Variants in RELN observed in about 807,000 individuals in gnomAD.
RELN encodes the protein reelin.
RELN carries 108 observed loss-of-function variants against 427.6 expected under a neutral mutation model. The observed-to-expected ratio is 0.25, with a 90% confidence interval of 0.22 to 0.30. RELN has a LOEUF of 0.30. RELN is among the 10% of genes least tolerant of loss of function. RELN has a pLI of 1.00. For missense variants in RELN, 3,715 were observed against 4,302.8 expected (o/e 0.86, Z 3.82); for synonymous variants, 1,524 against 1,513.4 (o/e 1.01, Z -0.16).
intron 5 of RELN, among the ~76,000 whole-genome samples, chr7:103,751,939 T>G (rs188511760): frequency 1.3e-5 from 2 of 152,358 alleles, no homozygotes; most frequent in East Asian, 3.9e-4. Context: ...TCTTATTAAA[T>G]ACTATAGTGT....
At chr7:103,902,247 A>G (rs931046393) in intron 2 of RELN, among the ~76,000 whole-genome samples, 32 of 152,066 alleles carry the variant, frequency 2.1e-4, no homozygotes, top group African/African-American at 7.7e-4. Flanking sequence ...TCTTATTAGT[A>G]ACAGATTTCT....
chr7:103,799,155 G>A (rs1226918854), intron 3 of RELN, among the ~76,000 whole-genome samples: 1 of 152,122 alleles, frequency 6.6e-6, no homozygotes, highest in Non-Finnish European at 1.5e-5. Flanking sequence ...TTGAAATGGT[G>A]CCAAAATTAT....
intron 61 of RELN, among the ~76,000 whole-genome samples, chr7:103,485,509 C>CT (rs999410324): frequency 4.6e-5 from 7 of 152,038 alleles, no homozygotes; most frequent in African/African-American, 1.7e-4. Flanking sequence ...ACCTAGCAAC[C>CT]TTTTTTAAGC....
rs1161395056 is a variant in RELN at position 103,989,396 on chromosome 7, C to T, written c.-40G>A. On this transcript the variant is annotated 5_prime_UTR_variant, in exon 1 of 65. Transcript: ENST00000428762. The surrounding 1 kb of genome is among the most constrained non-coding windows in gnomAD (Gnocchi z 4.9). ...CGCCGCCGCCGCGCGCCCTACGCGCCGCTCGCTCATTCAGTTTTGGAGACG... is the reference window on the plus strand; with the variant it reads ...CGCCGCCGCCGCGCGCCCTACGCGCTGCTCGCTCATTCAGTTTTGGAGACG... The T allele has an allele frequency of 1.5e-6, 2 of 1,344,826 alleles. No individual in the cohort carries two copies. The highest frequency in any genetic ancestry group is 1.9e-6 in the Non-Finnish European group (2 of 1,046,734). 83.3% of individuals were successfully genotyped at this position (1,344,826 alleles called of 1,614,324 possible).
intron 10 of RELN, among the ~76,000 whole-genome samples, chr7:103,684,199 A>C (rs910998027): frequency 6.6e-6 from 1 of 152,130 alleles, no homozygotes; most frequent in African/African-American, 2.4e-5. Flanking sequence ...TAGCCAGCGT[A>C]GGGGGCCATA....
At chr7:103,780,379 TTAATC>T (rs1375804029) in intron 3 of RELN, among the ~76,000 whole-genome samples, 1 of 152,256 alleles carries the variant, frequency 6.6e-6, no homozygotes, top group African/African-American at 2.4e-5. Flanking sequence ...TAGGTTTCAA[TTAATC>T]TTTTTTAAAA....
At chr7:103,694,858 T>G in intron 10 of RELN, among the ~76,000 whole-genome samples, 1 of 149,920 alleles carries the variant, frequency 6.7e-6, no homozygotes, top group Non-Finnish European at 1.5e-5. Context: ...AGAGACAGGG[T>G]CTCTCTATGT....
At chr7:103,496,080 A>C (rs1828832418) in intron 56 of RELN, among the ~76,000 whole-genome samples, 182 bp from the exon 57 acceptor site, 1 of 152,224 alleles carries the variant, frequency 6.6e-6, no homozygotes, top group Admixed American at 6.5e-5. Flanking sequence ...GGGATAATGC[A>C]TAAATCCAAC....
In RELN at chr7:103,596,567, C is replaced by T; in HGVS notation, c.3428G>A (p.Cys1143Tyr). 1 of 1,614,068 alleles carries T rather than the reference C, an allele frequency of 6.2e-7. No homozygotes were observed. Among genetic ancestry groups the T allele is most frequent in the Non-Finnish European group, 8.5e-7 (1 of 1,179,946 alleles). Residue 1143 changes from cysteine to tyrosine, a missense_variant, in exon 25 of 65, where the codon TGC (cysteine) becomes TAC (tyrosine). By Grantham distance (194) the Cys-to-Tyr change is radical. Around this residue, in one of 4 missense-constraint regions of RELN, gnomAD observed 2,208 missense variants for 2,361.7 expected, o/e 0.93. Coordinates refer to ENST00000428762, the MANE Select transcript of RELN (RefSeq NM_005045.4). ...CTCCTCTCTGCTGTCAGGCTTGTTG[C>T]ATGAAGCACTCTCTCCGCCTATCTG... is the stretch of plus-strand genomic sequence containing the variant. ...YIQIGGESAS[C>Y]NKPDSREEGV...
At chr7:103,698,152 G>A (rs188093084) in intron 9 of RELN, 59 bp from the exon 10 acceptor site, 1 of 1,606,006 alleles carries the variant, frequency 6.2e-7, no homozygotes, top group Non-Finnish European at 8.5e-7. Context: ...TCTTAGAGAT[G>A]AATTTTGTTT....
chr7:103,836,644 T>C (rs1031849899), intron 2 of RELN, among the ~76,000 whole-genome samples: 4 of 152,154 alleles, frequency 2.6e-5, no homozygotes, highest in South Asian at 4.2e-4. Context: ...CTGCAAGCTG[T>C]ACCCTCTACC....
intron 53 of RELN, among the ~76,000 whole-genome samples, chr7:103,498,586 G>A (rs1828916872): frequency 6.6e-6 from 1 of 151,974 alleles, no homozygotes. Context: ...CTGCCTCCCG[G>A]GTTCAAGCAA....
rs149259035 is a variant in RELN, at chr7:103,896,792, G to A, written c.337+20283C>T. ...TAAAATTTTTTCAATTTTGATGTAC[G>A]TTTGAAATTTTTCATAATAAAATGT... On this transcript the variant is annotated intron_variant, in intron 2 of 64. Coordinates refer to ENST00000428762, the MANE Select transcript of RELN (RefSeq NM_005045.4). Among the ~76,000 whole-genome samples the A allele has an allele frequency of 5.7e-3, 862 of 152,070 alleles. 10 individuals are homozygous for A. Among genetic ancestry groups the A allele is most frequent in the African/African-American group, 0.019 (778 of 41,502 alleles).
At chr7:103,698,885 T>A (rs556506601) in intron 9 of RELN, among the ~76,000 whole-genome samples, 2 of 152,256 alleles carry the variant, frequency 1.3e-5, no homozygotes, top group East Asian at 3.9e-4. Flanking sequence ...GTGCAATATG[T>A]TTAATAATCA....
At chr7:103,624,460 CT>C (rs2036860014) in intron 20 of RELN, among the ~76,000 whole-genome samples, 1 of 152,060 alleles carries the variant, frequency 6.6e-6, no homozygotes, top group Non-Finnish European at 1.5e-5. Flanking sequence ...GAGTTTTACT[CT>C]TGTTGCCCAG....
At chr7:103,479,767 A>G (rs1476825668) in intron 63 of RELN, among the ~76,000 whole-genome samples, 1 of 152,150 alleles carries the variant, frequency 6.6e-6, no homozygotes, top group Non-Finnish European at 1.5e-5. Context: ...ACCCTGAAAT[A>G]TTGTTGAAAG....
chr7:103,737,265 C>T (rs180877009), intron 6 of RELN, among the ~76,000 whole-genome samples: 4 of 152,202 alleles, frequency 2.6e-5, no homozygotes, highest in Admixed American at 6.6e-5. Context: ...TTTATGCTCC[C>T]TTTCACCAGC....
At chr7:103,690,414 T>C (rs1430118482) in intron 10 of RELN, among the ~76,000 whole-genome samples, 1 of 152,078 alleles carries the variant, frequency 6.6e-6, no homozygotes, top group Non-Finnish European at 1.5e-5. Flanking sequence ...TGCCTTTCGT[T>C]CTTAAATGTG....
intron 3 of RELN, among the ~76,000 whole-genome samples, chr7:103,819,314 A>G (rs2116366271): frequency 6.6e-6 from 1 of 152,268 alleles, no homozygotes; most frequent in Non-Finnish European, 1.5e-5. Context: ...TTCTAACCCA[A>G]ATGTGAAATA....
Sources: gnomAD v4.1 joint callset for allele counts (sites outside exome capture counted in the v4.1 genomes callset) on GRCh38, gnomAD v4.1.1 for gene constraint, gnomAD v4.1.1 regional missense constraint, Gnocchi (gnomAD v3.1) non-coding constraint, MANE v1.5 for transcripts, NCBI Gene and HGNC (gene_info 2026-07-23, HGNC 2026-07-21) for gene names.